Variants in SLCO2A1 observed in about 807,000 individuals in gnomAD.
SLCO2A1 encodes the protein solute carrier organic anion transporter family member 2A1, also known as matrin F/G 1.
In SLCO2A1, 60 loss-of-function variants were observed where a neutral mutation model predicts 71.7. That is an observed-to-expected ratio of 0.84 (90% CI 0.68 to 1.04). The LOEUF (loss-of-function observed/expected upper bound fraction) is 1.04, where lower values mean the gene tolerates loss of function less well. SLCO2A1 is among the 50% of genes least tolerant of loss of function. The pLI, the probability that SLCO2A1 is intolerant of heterozygous loss-of-function variation, is 0.00. For missense variants in SLCO2A1, 745 were observed against 813.4 expected, an observed-to-expected ratio of 0.92 and a Z score of 1.02; for synonymous variants, 308 against 326.7, an observed-to-expected ratio of 0.94 and a Z score of 0.62.
chr3:133,985,598 T>C (rs1467097413), intron 1 of SLCO2A1, among the ~76,000 whole-genome samples: 1 of 152,222 alleles, frequency 6.6e-6, no homozygotes. Flanking sequence ...ATGTATTGCT[T>C]CCCCAAATTA....
At chr3:133,944,528 C>T (rs1576427473) in intron 10 of SLCO2A1, among the ~76,000 whole-genome samples, 1 of 152,352 alleles carries the variant, frequency 6.6e-6, no homozygotes, top group East Asian at 1.9e-4. Flanking sequence ...CCAGAAGATA[C>T]ATGGCTTTGA....
chr3:134,000,842 C>T (rs1446920599), intron 1 of SLCO2A1, among the ~76,000 whole-genome samples: 2 of 152,212 alleles, frequency 1.3e-5, no homozygotes. Flanking sequence ...TGTCTGCTAC[C>T]TTTTGCTTCT....
At position 133,934,669 on chromosome 3, in the gene SLCO2A1, G is replaced by C; in HGVS notation, c.*44C>G. 1 of 1,364,306 alleles carries C rather than the reference G, an allele frequency of 7.3e-7. No homozygotes were observed. The highest frequency in any genetic ancestry group is 1.0e-6 in the Non-Finnish European group (1 of 954,468). The allele number at this position is 1,364,306 out of a possible 1,614,324, so 84.5% of individuals were successfully genotyped here. A position where few individuals can be genotyped will look rare whatever the true frequency, so the allele number is the denominator to read the frequency against. On this transcript the variant is annotated 3_prime_UTR_variant, in exon 14 of 14. Coordinates refer to ENST00000310926, the MANE Select transcript of SLCO2A1 (RefSeq NM_005630.3). ...AGTGAGTATAGGCAGGTGTGGAAGA[G>C]TCAAGGTCCACTCTCTGGAGCAGGG...
intron 5 of SLCO2A1, among the ~76,000 whole-genome samples, chr3:133,951,976 G>A (rs939499284): frequency 6.6e-6 from 1 of 152,224 alleles, no homozygotes; most frequent in Non-Finnish European, 1.5e-5. Context: ...TTCCAAAGGA[G>A]CAGCTTTCTC....
At chr3:133,981,181 C>A (rs922743891) in intron 1 of SLCO2A1, among the ~76,000 whole-genome samples, 1 of 152,200 alleles carries the variant, frequency 6.6e-6, no homozygotes, top group Admixed American at 6.5e-5. Flanking sequence ...TGGACCAGAT[C>A]TGGACCTGCC....
intron 1 of SLCO2A1, among the ~76,000 whole-genome samples, chr3:134,003,998 G>C (rs1421711311): frequency 6.6e-6 from 1 of 152,198 alleles, no homozygotes; most frequent in Non-Finnish European, 1.5e-5. Flanking sequence ...CAGCCTGCCT[G>C]GGATCATCCC....
At position 133,942,651 on chromosome 3, in the gene SLCO2A1, G is replaced by A; in HGVS notation, c.1579C>T (p.Leu527=). 1 of 1,613,904 alleles carries A rather than the reference G, an allele frequency of 6.2e-7. No individual in the cohort carries two copies. The highest frequency in any genetic ancestry group is 8.5e-7 in the Non-Finnish European group (1 of 1,179,934). The change falls in exon 11 of 14, where the codon CTG becomes TTG. Residue 527 remains leucine, a synonymous_variant. Transcript: ENST00000310926. The part of the protein sequence containing the change: ...PAIFLISFVS[L]IACISHNPLY... ...GGGTTGTGGGAGATGCAGGCTATCA[G>A]GGACACGAAGGAGATGAGGAAGATG...
chr3:133,941,866 C>A (rs1372995784), intron 11 of SLCO2A1, among the ~76,000 whole-genome samples: 1 of 152,162 alleles, frequency 6.6e-6, no homozygotes, highest in Non-Finnish European at 1.5e-5. Context: ...TTGCTCTTCT[C>A]ATTTCTTTTA....
chr3:134,028,243 C>T (rs1468887795), intron 1 of SLCO2A1, among the ~76,000 whole-genome samples: 1 of 152,158 alleles, frequency 6.6e-6, no homozygotes, highest in Non-Finnish European at 1.5e-5. Context: ...CACCCTGGTT[C>T]CTGCAGAGGC....
intron 6 of SLCO2A1, 188 bp downstream of exon 6, chr3:133,951,020 C>T (rs1162733200): frequency 3.2e-5 from 23 of 712,918 alleles, no homozygotes; most frequent in Admixed American, 2.8e-4. Flanking sequence ...TAGGAGATAC[C>T]ACCTTTTGGA....
intron 11 of SLCO2A1, among the ~76,000 whole-genome samples, chr3:133,939,406 A>T (rs1178656902): frequency 6.6e-6 from 1 of 152,168 alleles, no homozygotes; most frequent in East Asian, 1.9e-4. Context: ...CTCTGAGCAC[A>T]CACACTCCCG....
intron 3 of SLCO2A1, among the ~76,000 whole-genome samples, chr3:133,969,200 G>A (rs1934266237): frequency 6.6e-6 from 1 of 152,234 alleles, no homozygotes; most frequent in Non-Finnish European, 1.5e-5. Context: ...GGGAGGCCGA[G>A]GTGGGTGGAT....
chr3:133,932,929 T>A lies in SLCO2A1; in HGVS notation c.*1784A>T, dbSNP rs1032289824. On this transcript the variant is annotated 3_prime_UTR_variant, in exon 14 of 14. Coordinates refer to ENST00000310926, the MANE Select transcript of SLCO2A1 (RefSeq NM_005630.3). ...GCTAAAACTGGCCCCTGAGGTTACATTGAGCCTCCCTTCCTGAGTGAGATG... is the reference window on the plus strand; with the variant it reads ...GCTAAAACTGGCCCCTGAGGTTACAATGAGCCTCCCTTCCTGAGTGAGATG... The A allele has an allele frequency of 6.6e-6, 1 of 152,644 alleles. No individual in the cohort carries two copies. The highest frequency in any genetic ancestry group is 1.5e-5 in the Non-Finnish European group (1 of 68,026). 9.5% of individuals were successfully genotyped at this position (152,644 alleles called of 1,614,324 possible). A position where few individuals can be genotyped will look rare whatever the true frequency, so the allele number is the denominator to read the frequency against.
intron 1 of SLCO2A1, among the ~76,000 whole-genome samples, chr3:134,022,419 T>TA (rs551657200): frequency 1.3e-5 from 2 of 152,042 alleles, no homozygotes; most frequent in Non-Finnish European, 2.9e-5. Context: ...ATTAAAAAGT[T>TA]AAAAAAAATT....
rs1933170929 is a variant in SLCO2A1, at chr3:133,932,715, A to G, written c.*1998T>C. ...ACCAAGTTACCTCAATAGCAAAATT[A>G]GAATATTTTAATAGTAATATAATAG... On this transcript the variant is annotated 3_prime_UTR_variant, in exon 14 of 14. Coordinates refer to ENST00000310926, the MANE Select transcript of SLCO2A1 (RefSeq NM_005630.3). 6.6e-6 allele frequency: 1 copy of G among 152,324 alleles called. No homozygotes were observed. The highest frequency in any genetic ancestry group is 2.4e-5 in the African/African-American group (1 of 41,472). 9.4% of individuals were successfully genotyped at this position (152,324 alleles called of 1,614,324 possible).
At chr3:134,001,237 A>C (rs1291652243) in intron 1 of SLCO2A1, among the ~76,000 whole-genome samples, 1 of 152,172 alleles carries the variant, frequency 6.6e-6, no homozygotes, top group African/African-American at 2.4e-5. Flanking sequence ...CAGCATCCCA[A>C]GTAGCTGGGA....
chr3:134,006,852 C>G (rs1490586977), intron 1 of SLCO2A1, among the ~76,000 whole-genome samples: 1 of 152,200 alleles, frequency 6.6e-6, no homozygotes, highest in African/African-American at 2.4e-5. Context: ...AGCAAAACTG[C>G]TAGATCATAT....
intron 1 of SLCO2A1, among the ~76,000 whole-genome samples, chr3:134,024,837 A>G (rs963082577): frequency 6.6e-6 from 1 of 152,212 alleles, no homozygotes; most frequent in African/African-American, 2.4e-5. Flanking sequence ...GAAAATCCCC[A>G]CATAACCATT....
intron 3 of SLCO2A1, among the ~76,000 whole-genome samples, chr3:133,971,730 G>A (rs372259138): frequency 6.6e-6 from 1 of 152,172 alleles, no homozygotes; most frequent in South Asian, 2.1e-4. Flanking sequence ...CAATACAGTG[G>A]ACTAAGGGTG....
Sources: gnomAD v4.1 joint callset for allele counts (sites outside exome capture counted in the v4.1 genomes callset) on GRCh38, gnomAD v4.1.1 for gene constraint, MANE v1.5 for transcripts, NCBI Gene and HGNC (gene_info 2026-07-23, HGNC 2026-07-21) for gene names.